The following KLC1 variants were observed in gnomAD, a reference collection of about 807,000 sequenced individuals.
The protein encoded by KLC1 is kinesin light chain 1, also known as kinesin 2 60/70kDa.
Under a neutral mutation model 84.2 loss-of-function variants are expected in KLC1, and 30 were observed. The ratio of observed to expected loss-of-function variants is 0.36; its 90% CI spans 0.27 to 0.48. KLC1 has a LOEUF of 0.48. Among genes scored for constraint, KLC1 ranks in the 20% least tolerant of loss-of-function variants. The pLI, the probability that KLC1 is intolerant of heterozygous loss-of-function variation, is 0.99. For synonymous variants in KLC1, 289 were observed against 293.3 expected, an observed-to-expected ratio of 0.99 and a Z score of 0.15; for missense variants, 499 against 805.4, an observed-to-expected ratio of 0.62 and a Z score of 4.60.
intron 9 of KLC1, among the ~76,000 whole-genome samples, chr14:103,674,040 A>G (rs183411694): frequency 5.9e-5 from 9 of 152,312 alleles, no homozygotes; most frequent in Non-Finnish European, 5.9e-5. Flanking sequence ...GCAGAGACCT[A>G]TACAGTTCAC....
chr14:103,695,690 C>T (rs1454239878), intron 15 of KLC1: 5 of 985,272 alleles, frequency 5.1e-6, no homozygotes, highest in African/African-American at 1.7e-5. Context: ...TGGGTGCAGA[C>T]GAGGTTGTGT....
intron 9 of KLC1, among the ~76,000 whole-genome samples, chr14:103,674,268 T>C (rs1030675431): frequency 6.6e-6 from 1 of 152,222 alleles, no homozygotes; most frequent in Admixed American, 6.5e-5. Flanking sequence ...ATTTTTAGTG[T>C]GAGTACCTTT....
rs141577464 is a variant in KLC1 at position 103,659,742 on chromosome 14, G to A, written c.492+1966G>A. Among the ~76,000 whole-genome samples the A allele has an allele frequency of 2.7e-3, 418 of 152,214 alleles. 2 individuals carry two copies. Among genetic ancestry groups the A allele is most frequent in the African/African-American group, 9.7e-3 (402 of 41,528 alleles). ...TTTTTTGCGTAGCACCAGCAAACCT[G>A]CATTTCCCCTCTGTCTTCATCTGCT... On this transcript the variant is annotated intron_variant, in intron 3 of 16. Transcript: ENST00000334553.
At chr14:103,679,303 T>C (rs75445714) in intron 12 of KLC1, 81 bp from the exon 13 acceptor site, 1 of 1,515,246 alleles carries the variant, frequency 6.6e-7, no homozygotes, top group African/African-American at 1.4e-5. Context: ...TTTTTTTTTT[T>C]TCTAGCGAAG....
At chr14:103,679,236 C>T in intron 12 of KLC1, 148 bp from the exon 13 acceptor site, 1 of 1,027,878 alleles carries the variant, frequency 9.7e-7, no homozygotes, top group Non-Finnish European at 1.4e-6. Flanking sequence ...CCACCCTCAC[C>T]CCCTCCAAGG....
chr14:103,639,475 C>G (rs930013879), intron 1 of KLC1, among the ~76,000 whole-genome samples: 2 of 151,966 alleles, frequency 1.3e-5, no homozygotes, highest in African/African-American at 2.4e-5. Context: ...CAGGGTTTCG[C>G]TGTGTCACCT....
intron 1 of KLC1, among the ~76,000 whole-genome samples, chr14:103,649,179 C>G (rs1354373971): frequency 6.6e-6 from 1 of 151,912 alleles, no homozygotes; most frequent in Non-Finnish European, 1.5e-5. Flanking sequence ...TGCCTATACT[C>G]CTAGCTCCTT....
At chr14:103,683,647 C>A (rs2081549182) in intron 13 of KLC1, 1 of 152,234 alleles carries the variant, frequency 6.6e-6, no homozygotes, top group African/African-American at 2.4e-5. Flanking sequence ...AGCCACATCA[C>A]ACATCCTCTA....
intron 13 of KLC1, chr14:103,684,792 A>G (rs1347986182): frequency 1.7e-6 from 1 of 582,470 alleles, no homozygotes; most frequent in South Asian, 2.1e-5. Flanking sequence ...TCTGCCAAGC[A>G]TTTAGTTGAG....
intron 5 of KLC1, among the ~76,000 whole-genome samples, chr14:103,666,331 G>A (rs1265967944): frequency 2.0e-5 from 3 of 151,992 alleles, no homozygotes; most frequent in Non-Finnish European, 4.4e-5. Context: ...CCAAAGTGCT[G>A]GGATTACAGG....
At chr14:103,649,934 A>G (rs1383649695) in intron 1 of KLC1, among the ~76,000 whole-genome samples, 1 of 152,058 alleles carries the variant, frequency 6.6e-6, no homozygotes, top group Non-Finnish European at 1.5e-5. Flanking sequence ...TGACCTCGTG[A>G]TCCGCCCGCC....
intron 11 of KLC1, among the ~76,000 whole-genome samples, 176 bp downstream of exon 11, chr14:103,675,932 A>G (rs575234024): frequency 1.3e-5 from 2 of 152,336 alleles, no homozygotes; most frequent in African/African-American, 2.4e-5. Context: ...GATCACTTAC[A>G]TGTATAAAAC....
At chr14:103,671,792 A>C (rs2080408896) in intron 7 of KLC1, among the ~76,000 whole-genome samples, 1 of 152,252 alleles carries the variant, frequency 6.6e-6, no homozygotes, top group Non-Finnish European at 1.5e-5. Flanking sequence ...TCCTTATCAA[A>C]TTATACAGGT....
rs760387350 is a variant in KLC1, at chr14:103,673,046, G to A, written c.1020G>A (p.Lys340=). 2 of 1,613,876 alleles carry A rather than the reference G, an allele frequency of 1.2e-6. No individual in the cohort carries two copies. The highest frequency in any genetic ancestry group is 1.7e-6 in the Non-Finnish European group (2 of 1,180,016). Residue 340 remains lysine, a synonymous_variant, in exon 8 of 17, where the codon AAG becomes AAA. Coordinates refer to ENST00000334553, the MANE Select transcript of KLC1 (RefSeq NM_001394837.1). ...GGAAGGATCACCCCGATGTTGCCAA[G>A]CAGTTAAATAACTTGGCCTTACTGT... ...VLGKDHPDVA[K]QLNNLALLCQ...
chr14:103,637,095 A>AT (rs1194004477), intron 1 of KLC1, among the ~76,000 whole-genome samples: 1 of 150,038 alleles, frequency 6.7e-6, no homozygotes, highest in Non-Finnish European at 1.5e-5. Context: ...AGGCTGACGT[A>AT]TTTTTTATAC....
intron 1 of KLC1, among the ~76,000 whole-genome samples, chr14:103,634,063 T>G (rs577066273): frequency 2.2e-4 from 33 of 152,188 alleles, no homozygotes; most frequent in African/African-American, 7.7e-4. Flanking sequence ...GAGACAGGAT[T>G]TCACCATGTT....
At chr14:103,670,557 A>AAG (rs1174605527) in intron 7 of KLC1, among the ~76,000 whole-genome samples, 109 of 151,280 alleles carry the variant, frequency 7.2e-4, no homozygotes, top group African/African-American at 2.6e-3. Flanking sequence ...GGATGTTCTC[A>AAG]ATCTCTTGAC....
intron 1 of KLC1, among the ~76,000 whole-genome samples, chr14:103,649,058 G>T (rs974385854): frequency 2.0e-5 from 3 of 152,114 alleles, no homozygotes; most frequent in South Asian, 2.1e-4. Context: ...GATCGCTTGA[G>T]CCCGGGATGC....
chr14:103,664,513 AT>A (rs11367063), intron 5 of KLC1, among the ~76,000 whole-genome samples: 91,897 of 151,934 alleles, frequency 0.6, 28,902 homozygotes, highest in Non-Finnish European at 0.71. Flanking sequence ...TTAGCTCTTA[AT>A]TAGATTGAGA....
Sources: gnomAD v4.1 joint callset for allele counts (sites outside exome capture counted in the v4.1 genomes callset) on GRCh38, gnomAD v4.1.1 for gene constraint, MANE v1.5 for transcripts, NCBI Gene and HGNC (gene_info 2026-07-23, HGNC 2026-07-21) for gene names.